The following HOMER3 variants were observed in gnomAD, a reference collection of about 807,000 sequenced individuals.
HOMER3 encodes homer protein homolog 3.
In HOMER3, 34 loss-of-function variants were observed where a neutral mutation model predicts 45.5. The observed-to-expected ratio is 0.75, with a 90% CI of 0.57 to 1.00. The LOEUF is 1.00. Among genes scored for constraint, HOMER3 ranks in the 50% least tolerant of loss-of-function variants. The pLI is 0.00. For synonymous variants in HOMER3, 223 were observed against 208.8 expected (o/e 1.07, Z -0.58); for missense variants, 480 against 497.5 (o/e 0.96, Z 0.33).
At chr19:18,935,204 A>G (rs1007697428) in intron 4 of HOMER3, among the ~76,000 whole-genome samples, 1 of 140,708 alleles carries the variant, frequency 7.1e-6, no homozygotes, top group Non-Finnish European at 1.5e-5. Flanking sequence ...CAGTGGCACC[A>G]TCTCAGCTCA....
At chr19:18,937,329 G>GAA (rs2057103962) in intron 4 of HOMER3, among the ~76,000 whole-genome samples, 1 of 144,418 alleles carries the variant, frequency 6.9e-6, no homozygotes, top group African/African-American at 2.6e-5. Flanking sequence ...AAAAAAAGAA[G>GAA]GGAGGGAGGG....
chr19:18,935,811 G>A (rs2057086015), intron 4 of HOMER3, among the ~76,000 whole-genome samples: 1 of 151,978 alleles, frequency 6.6e-6, no homozygotes, highest in South Asian at 2.1e-4. Context: ...TTTGAGGTCA[G>A]GAGTTCGAAA....
At chr19:18,931,723 G>T in intron 7 of HOMER3, 98 bp from the exon 8 acceptor site, 1 of 1,507,330 alleles carries the variant, frequency 6.6e-7, no homozygotes. Flanking sequence ...CCACGCCCAG[G>T]ACCGAGCACC....
At chr19:18,939,238 G>A (rs1253493025) in intron 1 of HOMER3, 189 bp from the exon 2 acceptor site, 7 of 484,516 alleles carry the variant, frequency 1.4e-5, no homozygotes, top group Middle Eastern at 1.0e-3. Flanking sequence ...CCAGGAGTTC[G>A]AGACCATCCT....
chr19:18,934,807 G>A (rs527889837), intron 4 of HOMER3, among the ~76,000 whole-genome samples: 3 of 151,932 alleles, frequency 2.0e-5, no homozygotes, highest in East Asian at 1.9e-4. Context: ...CATCATGCCC[G>A]GCTAATTTTT....
chr19:18,931,443 G>A (rs770309252), intron 8 of HOMER3, 32 bp from the exon 9 acceptor site: 14 of 1,612,932 alleles, frequency 8.7e-6, no homozygotes, highest in South Asian at 3.3e-5. Context: ...GGTCTGTTGC[G>A]GGGGTCCTGG....
At chr19:18,931,940 C>T in intron 7 of HOMER3, 36 bp downstream of exon 7, 2 of 1,491,400 alleles carry the variant, frequency 1.3e-6, no homozygotes, top group East Asian at 2.5e-5. Flanking sequence ...TTGCCCGGGC[C>T]AGGTGGGGGT....
intron 9 of HOMER3, among the ~76,000 whole-genome samples, chr19:18,930,140 C>T (rs1250681537): frequency 1.3e-5 from 2 of 151,624 alleles, no homozygotes; most frequent in African/African-American, 4.8e-5. Flanking sequence ...GTCCCAGCTA[C>T]TCTGGAGGCT....
In HOMER3 at chr19:18,934,374, TG is replaced by T; in HGVS notation, c.339del (p.Arg114GlyfsTer58). On this transcript the variant is annotated frameshift_variant, in exon 5 of 10. Coordinates refer to ENST00000392351, the MANE Select transcript of HOMER3 (RefSeq NM_004838.4). LOFTEE classifies it high-confidence loss of function. The stretch of plus-strand genomic sequence containing the variant: ...TCCTGAGATTTCTCCCTGGCCAGCC[TG>T]GCTGCTTCCTTCACTTCCTGGAACT... ...AEKFQEVKEA[A>X]RLAREKSQDG... 1 of 1,595,054 alleles carries T rather than the reference TG, an allele frequency of 6.3e-7. No homozygotes were observed.
At chr19:18,931,268 T>C in intron 9 of HOMER3, 57 bp downstream of exon 9, 1 of 1,407,748 alleles carries the variant, frequency 7.1e-7, no homozygotes, top group Middle Eastern at 1.8e-4. Flanking sequence ...TTGTCCTGAG[T>C]GTCTGTTGAG....
intron 3 of HOMER3, 24 bp downstream of exon 3, chr19:18,938,704 G>GCCCCCCCCCCCCCCCCCCCACA: frequency 6.4e-7 from 1 of 1,561,856 alleles, no homozygotes; most frequent in Non-Finnish European, 8.7e-7. Context: ...TGGTGCCTCT[G>GCCCCCCCCCCCCCCCCCCCACA]CCCCACCCAG....
rs149962131 is a variant in HOMER3 at position 18,934,833 on chromosome 19, T to C, written c.304-423A>G. 3.7e-3 allele frequency among the ~76,000 whole-genome samples: 567 copies of C among 151,616 alleles called. 3 individuals carry two copies. Among genetic ancestry groups the C allele is most frequent in the African/African-American group, 0.013 (544 of 41,268 alleles). Reference sequence around the variant, plus strand: ...GCTAATTTTTTCTAGAGACGGGGTCTAGCCATGTTCCCCAGAATGGCCCTT... The same window carrying C: ...GCTAATTTTTTCTAGAGACGGGGTCCAGCCATGTTCCCCAGAATGGCCCTT... On this transcript the variant is annotated intron_variant, in intron 4 of 9. Transcript: ENST00000392351.
chr19:18,938,998 G>A lies in HOMER3; in HGVS notation c.-16C>T. The A allele has an allele frequency of 6.3e-7, 1 of 1,575,248 alleles. No homozygotes were observed. The highest frequency in any genetic ancestry group is 1.2e-5 in the South Asian group (1 of 83,334). ...CTGTGGACATTGGTCAGGCTGGGATGGGCAGGCTCTAGGGGGCAGCCAGAG... is the reference window on the plus strand; with the variant it reads ...CTGTGGACATTGGTCAGGCTGGGATAGGCAGGCTCTAGGGGGCAGCCAGAG... On this transcript the variant is annotated 5_prime_UTR_variant, in exon 2 of 10. Transcript: ENST00000392351.
At chr19:18,934,895 T>TCTTG (rs1224375398) in intron 4 of HOMER3, among the ~76,000 whole-genome samples, 3 of 143,976 alleles carry the variant, frequency 2.1e-5, no homozygotes, top group Non-Finnish European at 4.5e-5. Flanking sequence ...TGAGATGGAG[T>TCTTG]CTTGCTCTGT....
chr19:18,932,746 A>AG (rs1303081321), intron 6 of HOMER3, among the ~76,000 whole-genome samples, 178 bp downstream of exon 6: 7 of 150,462 alleles, frequency 4.7e-5, no homozygotes, highest in Non-Finnish European at 8.9e-5. Context: ...TGGCCAACGC[A>AG]GGGTAGGGGC....
chr19:18,932,368 T>A (rs553152403), intron 6 of HOMER3, among the ~76,000 whole-genome samples: 480 of 18,272 alleles, frequency 0.026, 3 homozygotes, highest in Admixed American at 0.061. Context: ...GGGGCCAGGG[T>A]GGGTGGCGCT....
chr19:18,940,321 C>T (rs2057141475), intron 1 of HOMER3: 2 of 152,240 alleles, frequency 1.3e-5, no homozygotes, highest in African/African-American at 4.8e-5. Context: ...AGTTACTCAC[C>T]AACTAGTCAT....
At chr19:18,931,283 C>CT (rs764538178) in intron 9 of HOMER3, 42 bp downstream of exon 9, 2 of 1,523,980 alleles carry the variant, frequency 1.3e-6, no homozygotes, top group Non-Finnish European at 1.8e-6. Flanking sequence ...GTTGAGGTGA[C>CT]TGTCACCCAC....
rs373091234 is a variant in HOMER3 at position 18,929,543 on chromosome 19, C to G, written c.986G>C (p.Arg329Pro). 6 of 1,557,382 alleles carry G rather than the reference C, an allele frequency of 3.9e-6. No homozygotes were observed. Among genetic ancestry groups the G allele is most frequent in the Non-Finnish European group, 5.2e-6 (6 of 1,153,150 alleles). ...EEARAERERARAEVGRAAQLL... is the reference protein window; with the variant it reads ...EEARAERERAPAEVGRAAQLL... ...CTGCGCTGCCCGGCCCACCTCAGCC[C>G]GCGCCCGCTCCCGCTCTGCCCGTGC... The change falls in exon 10 of 10, where the codon CGG (arginine) becomes CCG (proline). Residue 329 changes from arginine to proline, a missense_variant. Coordinates refer to ENST00000392351, the MANE Select transcript of HOMER3 (RefSeq NM_004838.4).
Sources: allele counts gnomAD v4.1 joint callset (sites outside exome capture counted in the v4.1 genomes callset), GRCh38; gene constraint gnomAD v4.1.1; transcripts MANE v1.5; gene names NCBI Gene and HGNC (gene_info 2026-07-23, HGNC 2026-07-21).